Variants in SHF observed in about 807,000 individuals in gnomAD.
The protein encoded by SHF is Src homology 2 domain containing F.
In SHF, 30 loss-of-function variants were observed where a neutral mutation model predicts 42.4. The observed-to-expected ratio is 0.71, with a 90% CI of 0.53 to 0.96. SHF has a LOEUF of 0.96. SHF is among the 40% of genes least tolerant of loss of function. The pLI is 0.00. For synonymous variants in SHF, 264 were observed against 269.9 expected, an observed-to-expected ratio of 0.98 and a Z score of 0.21; for missense variants, 598 against 634.0, an observed-to-expected ratio of 0.94 and a Z score of 0.61.
upstream of SHF, chr15:45,187,968 A>T: frequency 9.8e-7 from 1 of 1,019,222 alleles, no homozygotes; most frequent in Non-Finnish European, 1.2e-6. Context: ...AGCCAGACTG[A>T]GCGAGGGGAG....
At chr15:45,174,234 A>G (rs2458237) in intron 3 of SHF, 67,202 of 169,226 alleles carry the variant, frequency 0.4, 16,477 homozygotes, top group Non-Finnish European at 0.56. Flanking sequence ...TTTTATTGAA[A>G]TTTAATCCCC....
At chr15:45,192,493 G>A (rs1466804243), upstream of SHF, among the ~76,000 whole-genome samples, 1 of 150,494 alleles carries the variant, frequency 6.6e-6, no homozygotes, top group Non-Finnish European at 1.5e-5. Flanking sequence ...TCAGCCTGCT[G>A]AATAGCTGGG....
At chr15:45,198,662 A>G (rs1898958242) in intron 2 of SHF, 1 of 1,406,316 alleles carries the variant, frequency 7.1e-7, no homozygotes, top group Non-Finnish European at 9.6e-7. Context: ...AGTACTAACC[A>G]CTATACGATC....
chr15:45,198,644 CAA>C, intron 2 of SHF: 2 of 1,212,998 alleles, frequency 1.6e-6, no homozygotes, highest in Non-Finnish European at 1.1e-6. Context: ...GCTGCGGCCA[CAA>C]CGCAGAGTAC....
At position 45,167,869 on chromosome 15, in the gene SHF, T is replaced by C. The variant is rs977701554; in HGVS notation, c.*78A>G. ...AGAAAGGTTTGAAAGATCACGTCCC[T>C]GGCAAGAGCCACAGCCCTCAGCCAG... On this transcript the variant is annotated 3_prime_UTR_variant, in exon 7 of 7. Coordinates refer to ENST00000690270, the MANE Select transcript of SHF (RefSeq NM_001394037.1). 9.7e-6 allele frequency: 13 copies of C among 1,334,358 alleles called. No individual in the cohort carries two copies. Among genetic ancestry groups the C allele is most frequent in the Non-Finnish European group, 1.3e-5 (13 of 1,009,570 alleles). The allele number at this position is 1,334,358 out of a possible 1,614,324, so 82.7% of individuals were successfully genotyped here.
chr15:45,198,598 T>TC (rs1172549537), intron 2 of SHF: 7 of 674,746 alleles, frequency 1.0e-5, no homozygotes, highest in Non-Finnish European at 1.1e-5. Flanking sequence ...GTGCCATTGT[T>TC]CCCACAATGC....
chr15:45,188,066 A>G (rs1005428579), upstream of SHF: 1 of 385,952 alleles, frequency 2.6e-6, no homozygotes, highest in East Asian at 5.9e-5. Flanking sequence ...TTCAGTAACA[A>G]GGGAGAGGCG....
Position 45,187,872 on chromosome 15 carries a change from C to G in SHF, c.80G>C (p.Gly27Ala), listed in dbSNP as rs952009437. 8 of 1,158,932 alleles carry G rather than the reference C, an allele frequency of 6.9e-6. No individual in the cohort carries two copies. Among genetic ancestry groups the G allele is most frequent in the Middle Eastern group, 6.9e-4 (2 of 2,918 alleles). The allele number at this position is 1,158,932 out of a possible 1,614,324, so 71.8% of individuals were successfully genotyped here. Reference sequence around the variant, plus strand: ...CGCACCCCCGGCGCCCCGGCGGGACCCCCCCGGGCCGCCCCCAGCGCTCCC... The same window carrying G: ...CGCACCCCCGGCGCCCCGGCGGGACGCCCCCGGGCCGCCCCCAGCGCTCCC... ...TQGSAGGGPG[G>A]SRRGAGGAGA... Residue 27 changes from glycine to alanine, a missense_variant, in exon 1 of 7, where the codon GGG (glycine) becomes GCG (alanine). This residue lies in a region of SHF where 159 missense variants were observed against 109.3 expected (regional missense o/e 1.45). Transcript: ENST00000690270.
chr15:45,175,434 G>GC lies in SHF; in HGVS notation c.641-10dup, dbSNP rs1169699165. 1.9e-6 allele frequency: 3 copies of GC among 1,568,578 alleles called. No homozygotes were observed. The Admixed American group carries it at 5.6e-5, about 30-fold the overall frequency. On this transcript the variant is annotated splice_polypyrimidine_tract_variant and intron_variant, in intron 2 of 6. Coordinates refer to ENST00000690270, the MANE Select transcript of SHF (RefSeq NM_001394037.1). ...CTTGGAGCCCCGGATCTCTGCCGGA[G>GC]CAGGGCAGGAAGGGAAAGGTGAGGG...
chr15:45,167,976 G>A lies in SHF; in HGVS notation c.1438C>T (p.Leu480Phe), dbSNP rs2141326310. Residue 480 changes from leucine to phenylalanine, a missense_variant, in exon 7 of 7, where the codon CTC becomes TTC. Coordinates refer to ENST00000690270, the MANE Select transcript of SHF (RefSeq NM_001394037.1). ...AGAGTCCGGATGGCCACAGGGTAGAGCAGGGACATGTGTTCGGCTCCCTTA... is the reference window on the plus strand; with the variant it reads ...AGAGTCCGGATGGCCACAGGGTAGAACAGGGACATGTGTTCGGCTCCCTTA... Reference protein sequence around the residue: ...PIKGAEHMSLLYPVAIRTL With the variant: ...PIKGAEHMSLFYPVAIRTL 6.2e-7 allele frequency: 1 copy of A among 1,612,300 alleles called. No individual in the cohort carries two copies. Among genetic ancestry groups the A allele is most frequent in the African/African-American group, 1.3e-5 (1 of 75,038 alleles).
intron 1 of SHF, among the ~76,000 whole-genome samples, chr15:45,182,578 C>T (rs528234649): frequency 3.9e-4 from 60 of 152,324 alleles, no homozygotes; most frequent in Non-Finnish European, 7.6e-4. Flanking sequence ...GGCCTCCTGA[C>T]TTGTAGTATG....
At chr15:45,174,757 T>C (rs1007577250) in intron 3 of SHF, among the ~76,000 whole-genome samples, 4 of 152,130 alleles carry the variant, frequency 2.6e-5, no homozygotes, top group Non-Finnish European at 5.9e-5. Flanking sequence ...GAAATCTCCT[T>C]GGGGCCAGAC....
chr15:45,170,613 C>T, intron 6 of SHF: 1 of 322,738 alleles, frequency 3.1e-6, no homozygotes, highest in South Asian at 2.6e-5. Context: ...GGTTACCTGA[C>T]TATAGTCCGG....
At chr15:45,182,402 A>C (rs554288888) in intron 1 of SHF, among the ~76,000 whole-genome samples, 184 of 152,374 alleles carry the variant, frequency 1.2e-3, no homozygotes, top group South Asian at 2.7e-3. Flanking sequence ...TGGGAAGAGG[A>C]AAATGAATTT....
intron 1 of SHF, among the ~76,000 whole-genome samples, chr15:45,180,552 T>G (rs1898075727): frequency 6.6e-6 from 1 of 152,254 alleles, no homozygotes; most frequent in African/African-American, 2.4e-5. Context: ...TCCACTTTCC[T>G]CTTTAGTTTC....
intron 2 of SHF, among the ~76,000 whole-genome samples, chr15:45,197,598 C>T (rs889945557): frequency 1.3e-5 from 2 of 152,168 alleles, no homozygotes; most frequent in Non-Finnish European, 2.9e-5. Flanking sequence ...AGGCTCCCAC[C>T]CAAAGGTTTA....
intron 6 of SHF, chr15:45,170,266 C>A: frequency 9.4e-7 from 1 of 1,066,504 alleles, no homozygotes; most frequent in Non-Finnish European, 1.2e-6. Flanking sequence ...AAGTAACAAA[C>A]CTCTTTGAAT....
At chr15:45,195,934 G>T (rs3959644) in intron 2 of SHF, among the ~76,000 whole-genome samples, 49,740 of 151,992 alleles carry the variant, frequency 0.33, 9,212 homozygotes, top group East Asian at 0.61. Context: ...TATGCACTTT[G>T]TTTGTTGGGA....
chr15:45,191,717 C>T (rs999723112), upstream of SHF, among the ~76,000 whole-genome samples: 3 of 151,986 alleles, frequency 2.0e-5, no homozygotes, highest in Non-Finnish European at 4.4e-5. Context: ...GATAATTTCC[C>T]CATTTTTGTC....
Sources: gnomAD v4.1 joint callset for allele counts (sites outside exome capture counted in the v4.1 genomes callset) on GRCh38, gnomAD v4.1.1 for gene constraint, gnomAD v4.1.1 regional missense constraint, MANE v1.5 for transcripts, NCBI Gene and HGNC (gene_info 2026-07-23, HGNC 2026-07-21) for gene names.